The following SFMBT2 variants were observed in gnomAD, a reference collection of about 807,000 sequenced individuals.
SFMBT2 encodes the protein scm-like with four MBT domains protein 2.
In SFMBT2, 38 loss-of-function variants were observed where a neutral mutation model predicts 110.1. The ratio of observed to expected loss-of-function variants is 0.35; its 90% confidence interval spans 0.27 to 0.45. The LOEUF (loss-of-function observed/expected upper bound fraction) is 0.45. Among genes scored for constraint, SFMBT2 ranks in the 20% least tolerant of loss-of-function variants. The pLI is 1.00. For missense variants in SFMBT2, 1,011 were observed against 1,094.9 expected, an observed-to-expected ratio of 0.92 and a Z score of 1.08; for synonymous variants, 425 against 425.4, an observed-to-expected ratio of 1.00 and a Z score of 0.01.
At chr10:7,405,095 G>C (rs1266431712) in intron 1 of SFMBT2, among the ~76,000 whole-genome samples, 1 of 152,158 alleles carries the variant, frequency 6.6e-6, no homozygotes, top group Non-Finnish European at 1.5e-5. Context: ...AACAAAGAGA[G>C]GAAGACCTGC....
chr10:7,267,786 T>C (rs1841442698), intron 7 of SFMBT2, among the ~76,000 whole-genome samples: 2 of 152,128 alleles, frequency 1.3e-5, no homozygotes, highest in African/African-American at 4.8e-5. Context: ...GTTCCAACAA[T>C]TTCCCTTCTT....
chr10:7,338,336 CAA>C (rs1385187086), intron 4 of SFMBT2, among the ~76,000 whole-genome samples: 1 of 152,130 alleles, frequency 6.6e-6, no homozygotes, highest in Non-Finnish European at 1.5e-5. Context: ...CTGAATCCCC[CAA>C]AAGTCAAATA....
rs766195450 is a variant in SFMBT2, at chr10:7,293,418, T to C, written c.437-7464A>G. On this transcript the variant is annotated intron_variant, in intron 4 of 20. Coordinates refer to ENST00000397167, the MANE Select transcript of SFMBT2 (RefSeq NM_001387889.1). This position sits in a 1 kb window ranked among gnomAD's most constrained non-coding sequence, Gnocchi z 4.6. ...CTGGTCAAAGTATTTTTTTTTAATGTGAAGGTAAAGCTAATGGGATTCGCT... is the reference window on the plus strand; with the variant it reads ...CTGGTCAAAGTATTTTTTTTTAATGCGAAGGTAAAGCTAATGGGATTCGCT... Among the ~76,000 whole-genome samples the C allele has an allele frequency of 2.0e-5, 3 of 151,904 alleles. No individual in the cohort carries two copies. Among genetic ancestry groups the C allele is most frequent in the Non-Finnish European group, 4.4e-5 (3 of 67,994 alleles).
At position 7,227,921 on chromosome 10, in the gene SFMBT2, G is replaced by A. The variant is rs775001932; in HGVS notation, c.1137C>T (p.Asp379=). The A allele has an allele frequency of 5.2e-5, 83 of 1,596,058 alleles. No homozygotes were observed. In the Admixed American group the frequency reaches 1.5e-3, roughly 28 times the overall value. The change falls in exon 10 of 21, where the codon GAC becomes GAT. Residue 379 remains aspartate, a synonymous_variant. Transcript: ENST00000397167. ...LTPPKGYSGQ[D]FDWADYHKQH... ...GCTTGTGATAATCTGCCCAGTCGAA[G>A]TCCTGGCCAGAGTAACCTGGGAATG...
At chr10:7,331,496 C>A (rs1843556965) in intron 4 of SFMBT2, among the ~76,000 whole-genome samples, 1 of 152,200 alleles carries the variant, frequency 6.6e-6, no homozygotes, top group Admixed American at 6.5e-5. Flanking sequence ...TAAACCCAGG[C>A]ATCTTCCCAG....
chr10:7,345,488 A>C (rs535136294), intron 4 of SFMBT2, among the ~76,000 whole-genome samples: 1 of 152,216 alleles, frequency 6.6e-6, no homozygotes, highest in East Asian at 1.9e-4. Context: ...CCTCCCAAGT[A>C]GCTGGGATTA....
chr10:7,333,369 A>T (rs1166362639), intron 4 of SFMBT2, among the ~76,000 whole-genome samples: 2 of 151,108 alleles, frequency 1.3e-5, no homozygotes, highest in Non-Finnish European at 1.5e-5. Context: ...TATCTGGTGG[A>T]TGAGGATAAC....
At position 7,341,474 on chromosome 10, in the gene SFMBT2, G is replaced by A. The variant is rs577985677; in HGVS notation, c.436+26175C>T. Among the ~76,000 whole-genome samples the A allele has an allele frequency of 2.0e-5, 3 of 152,308 alleles. No homozygotes were observed. The East Asian group carries it at 5.8e-4, about 29-fold the overall frequency. ...TCTTGTTTTGCTTTTGTTTGGAGAG[G>A]AAGAGGGGTGCTGATCTAATTTTGG... is the stretch of plus-strand genomic sequence containing the variant. On this transcript the variant is annotated intron_variant, in intron 4 of 20. Coordinates refer to ENST00000397167, the MANE Select transcript of SFMBT2 (RefSeq NM_001387889.1).
intron 2 of SFMBT2, among the ~76,000 whole-genome samples, chr10:7,372,441 A>C (rs920913104): frequency 2.0e-5 from 3 of 152,224 alleles, no homozygotes; most frequent in African/African-American, 7.2e-5. Context: ...GAAAAAGAAA[A>C]AGCTATCAGG....
chr10:7,286,436 GGAGAAATA>G, intron 4 of SFMBT2: 1 of 939,646 alleles, frequency 1.1e-6, no homozygotes, highest in Non-Finnish European at 1.3e-6. Flanking sequence ...AAGGTGAAAT[GGAGAAATA>G]GAGAAATGGG....
At chr10:7,406,482 G>T (rs913065467) in intron 1 of SFMBT2, among the ~76,000 whole-genome samples, 4 of 140,330 alleles carry the variant, frequency 2.9e-5, no homozygotes, top group Non-Finnish European at 6.1e-5. Context: ...AAAAAAAAAA[G>T]CCACCTTAGC....
chr10:7,199,750 A>G (rs1838893352), intron 14 of SFMBT2, among the ~76,000 whole-genome samples: 1 of 152,188 alleles, frequency 6.6e-6, no homozygotes, highest in Non-Finnish European at 1.5e-5. Context: ...TACCAAGATA[A>G]TCTCCTAGTA....
intron 11 of SFMBT2, among the ~76,000 whole-genome samples, 198 bp downstream of exon 11, chr10:7,220,213 T>G (rs143335135): frequency 2.7e-4 from 41 of 152,224 alleles, no homozygotes; most frequent in Non-Finnish European, 4.6e-4. Context: ...TGCATGAAAT[T>G]ATTAGTTAAG....
At chr10:7,201,239 G>A (rs919447026) in intron 13 of SFMBT2, among the ~76,000 whole-genome samples, 1 of 152,226 alleles carries the variant, frequency 6.6e-6, no homozygotes, top group Non-Finnish European at 1.5e-5. Context: ...CAGCATTGAC[G>A]CTACCTGTGA....
chr10:7,357,427 C>A (rs1336009127), intron 4 of SFMBT2, among the ~76,000 whole-genome samples: 3 of 152,094 alleles, frequency 2.0e-5, no homozygotes, highest in Non-Finnish European at 4.4e-5. Flanking sequence ...AAAGGCTGAC[C>A]TCCCCAAAGC....
intron 8 of SFMBT2, among the ~76,000 whole-genome samples, chr10:7,246,638 G>T (rs923694917): frequency 7.2e-6 from 1 of 138,378 alleles, no homozygotes; most frequent in Non-Finnish European, 1.5e-5. Flanking sequence ...AGAATAGCTT[G>T]AACTCGGGAG....
intron 2 of SFMBT2, among the ~76,000 whole-genome samples, chr10:7,376,727 CAAA>C (rs35816107): frequency 2.9e-4 from 13 of 44,736 alleles, no homozygotes; most frequent in African/African-American, 8.2e-4. Flanking sequence ...GGCCCTCCCA[CAAA>C]AAAAAAAAAA....
intron 4 of SFMBT2, among the ~76,000 whole-genome samples, chr10:7,341,214 C>T (rs755273926): frequency 3.3e-5 from 5 of 152,128 alleles, no homozygotes; most frequent in African/African-American, 9.7e-5. Context: ...AGGGGCAGAG[C>T]GGGAACGTTC....
rs186043479 is a variant in SFMBT2 at position 7,256,953 on chromosome 10, G to A, written c.871-8304C>T. The stretch of plus-strand genomic sequence containing the variant: ...CTAAAAATATAAAAATTAGCTGGGC[G>A]TGGCGGTGGGCGCCTGTAATCCCAG... On this transcript the variant is annotated intron_variant, in intron 7 of 20. Coordinates refer to ENST00000397167, the MANE Select transcript of SFMBT2 (RefSeq NM_001387889.1). Among the ~76,000 whole-genome samples the A allele has an allele frequency of 2.0e-4, 30 of 152,064 alleles. No individual in the cohort carries two copies. In the East Asian group the frequency reaches 3.3e-3, roughly 17 times the overall value.
Sources: gnomAD v4.1 joint callset for allele counts (sites outside exome capture counted in the v4.1 genomes callset) on GRCh38, gnomAD v4.1.1 for gene constraint, Gnocchi (gnomAD v3.1) non-coding constraint, MANE v1.5 for transcripts, NCBI Gene and HGNC (gene_info 2026-07-23, HGNC 2026-07-21) for gene names.